EPHX2: variants seen among roughly 807,000 people sequenced by gnomAD.
EPHX2 encodes bifunctional epoxide hydrolase 2.
Under a neutral mutation model 78.7 loss-of-function variants are expected in EPHX2, and 74 were observed. That is an observed-to-expected ratio of 0.94 (90% CI 0.78 to 1.14). EPHX2 has a LOEUF of 1.14. Ranked by LOEUF, EPHX2 falls within the 50% of genes most tolerant of loss-of-function variation. The pLI is 0.00. For missense variants in EPHX2, 715 were observed against 702.5 expected (o/e 1.02, Z -0.20); for synonymous variants, 251 against 255.2 (o/e 0.98, Z 0.16).
chr8:27,530,057 GTCTC>G (rs992920694), intron 12 of EPHX2, among the ~76,000 whole-genome samples: 1 of 139,348 alleles, frequency 7.2e-6, no homozygotes, highest in South Asian at 2.2e-4. Flanking sequence ...AAAACATTGA[GTCTC>G]TCTCTCTTTT....
rs369213590 is a variant in EPHX2, at chr8:27,506,914, C to T, written c.580C>T (p.Arg194Cys). The T allele has an allele frequency of 1.5e-5, 24 of 1,613,948 alleles. 1 individual carries two copies. Among genetic ancestry groups the T allele is most frequent in the Admixed American group, 3.3e-5 (2 of 59,986 alleles). ...CATCGGGGCTAATCTGAAGCCAGCC[C>T]GTGACTTGGGAATGGTCACCATCCT... Reference protein sequence around the residue: ...DDIGANLKPARDLGMVTILVQ... With the variant: ...DDIGANLKPACDLGMVTILVQ... Residue 194 changes from arginine to cysteine, a missense_variant, in exon 5 of 19, where the codon CGT (arginine) becomes TGT (cysteine). Transcript: ENST00000521400.
intron 5 of EPHX2, among the ~76,000 whole-genome samples, chr8:27,508,832 A>T (rs1814120465): frequency 1.3e-5 from 2 of 151,928 alleles, no homozygotes; most frequent in African/African-American, 4.8e-5. Context: ...TCGTGCAGTC[A>T]TCACCACCAC....
intron 5 of EPHX2, 117 bp downstream of exon 5, chr8:27,507,111 A>T: frequency 1.5e-6 from 2 of 1,353,708 alleles, no homozygotes; most frequent in Non-Finnish European, 2.0e-6. Flanking sequence ...ACTCCTGGGC[A>T]CCGCTGGTTG....
In EPHX2 at chr8:27,520,847, G is replaced by C. The variant is rs538639274; in HGVS notation, c.946-36G>C. ...ATAAAGGCTGAGGCAGGCGGGTGTG[G>C]TTGCTGATTTTGCCTGTGTGTGTCT... On this transcript the variant is annotated intron_variant, in intron 9 of 18. Coordinates refer to ENST00000521400, the MANE Select transcript of EPHX2 (RefSeq NM_001979.6). 4 of 1,614,136 alleles carry C rather than the reference G, an allele frequency of 2.5e-6. No individual in the cohort carries two copies. In the East Asian group the frequency reaches 6.7e-5, roughly 27 times the overall value.
chr8:27,496,746 C>T (rs1813587794), intron 1 of EPHX2, among the ~76,000 whole-genome samples: 1 of 152,080 alleles, frequency 6.6e-6, no homozygotes, highest in African/African-American at 2.4e-5. Context: ...AGGGATATTG[C>T]CTTTGATAAG....
At chr8:27,525,105 T>C (rs112900330) in intron 11 of EPHX2, among the ~76,000 whole-genome samples, 18,206 of 126,008 alleles carry the variant, frequency 0.14, 1,272 homozygotes, top group African/African-American at 0.22. Context: ...TGTGTGTGTG[T>C]GTGCGCGCGC....
chr8:27,521,774 G>A (rs975591340), intron 10 of EPHX2, among the ~76,000 whole-genome samples: 9 of 152,228 alleles, frequency 5.9e-5, no homozygotes, highest in Admixed American at 5.2e-4. Context: ...TGTTGAGAGA[G>A]TGACTCTGCG....
Position 27,491,203 on chromosome 8 carries a change from G to A in EPHX2, c.-6G>A, listed in dbSNP as rs973499372. ...TGTCCGGGTGCTAGGCTGCAGACCCGCCGCCATGACGCTGCGCGCGGCCGT... is the reference window on the plus strand; with the variant it reads ...TGTCCGGGTGCTAGGCTGCAGACCCACCGCCATGACGCTGCGCGCGGCCGT... On this transcript the variant is annotated 5_prime_UTR_variant, in exon 1 of 19. Coordinates refer to ENST00000521400, the MANE Select transcript of EPHX2 (RefSeq NM_001979.6). 3.2e-6 allele frequency: 5 copies of A among 1,576,054 alleles called. No individual in the cohort carries two copies. The highest frequency in any genetic ancestry group is 2.3e-5 in the East Asian group (1 of 42,872).
At chr8:27,518,737 T>C (rs1345234759) in intron 9 of EPHX2, among the ~76,000 whole-genome samples, 1 of 152,242 alleles carries the variant, frequency 6.6e-6, no homozygotes. Flanking sequence ...CTCCCCCTCA[T>C]GTGTGCCCCA....
At chr8:27,521,420 G>T (rs1439061475) in intron 10 of EPHX2, among the ~76,000 whole-genome samples, 1 of 152,176 alleles carries the variant, frequency 6.6e-6, no homozygotes, top group Non-Finnish European at 1.5e-5. Flanking sequence ...CCCAAGTGAG[G>T]TCAGAGGGGC....
intron 3 of EPHX2, among the ~76,000 whole-genome samples, chr8:27,504,691 C>T (rs948425747): frequency 6.6e-6 from 1 of 152,164 alleles, no homozygotes; most frequent in African/African-American, 2.4e-5. Flanking sequence ...TGCTGCTCCA[C>T]TGTTGTCAAG....
chr8:27,523,639 G>T (rs1317280203), intron 11 of EPHX2, among the ~76,000 whole-genome samples: 1 of 152,162 alleles, frequency 6.6e-6, no homozygotes, highest in Non-Finnish European at 1.5e-5. Flanking sequence ...AGAATAAAAA[G>T]AATCAAATGT....
chr8:27,515,937 G>A, intron 7 of EPHX2, 124 bp downstream of exon 7: 7 of 865,774 alleles, frequency 8.1e-6, no homozygotes, highest in Non-Finnish European at 7.4e-6. Flanking sequence ...TCCAAAGTGT[G>A]ACCAGGTTGG....
chr8:27,503,513 T>G, intron 2 of EPHX2, 91 bp from the exon 3 acceptor site: 1 of 1,396,276 alleles, frequency 7.2e-7, no homozygotes, highest in Non-Finnish European at 9.7e-7. Context: ...AATTGCTTGG[T>G]CACAGGGAAT....
intron 1 of EPHX2, 114 bp downstream of exon 1, chr8:27,491,423 C>A: frequency 2.7e-6 from 2 of 753,556 alleles, no homozygotes; most frequent in Non-Finnish European, 4.0e-6. Flanking sequence ...GCGAATCATG[C>A]GAATCATGAA....
intron 8 of EPHX2, among the ~76,000 whole-genome samples, chr8:27,516,917 C>CTTTTTTTTTTTTTT (rs145423911): frequency 2.8e-5 from 4 of 144,196 alleles, no homozygotes; most frequent in African/African-American, 5.4e-5. Flanking sequence ...AATTTCCTTC[C>CTTTTTTTTTTTTTT]TATTTTTTTT....
In EPHX2 at chr8:27,523,936, T is replaced by G. The variant is rs1327325299; in HGVS notation, c.1059-1426T>G. 6.3e-5 allele frequency among the ~76,000 whole-genome samples: 5 copies of G among 79,698 alleles called. No individual in the cohort carries two copies. In the East Asian group the frequency reaches 1.4e-3, roughly 22 times the overall value. The allele number at this position is 79,698 out of a possible 152,430, so 52.3% of individuals were successfully genotyped here. On this transcript the variant is annotated intron_variant, in intron 11 of 18. Coordinates refer to ENST00000521400, the MANE Select transcript of EPHX2 (RefSeq NM_001979.6). Reference sequence around the variant, plus strand: ...AAATTCACCCCCTTTTCTATTCCTGTTTTTTTTTTTTTTTGAGACAGAGTC... The same window carrying G: ...AAATTCACCCCCTTTTCTATTCCTGGTTTTTTTTTTTTTTGAGACAGAGTC...
chr8:27,547,468 G>T (rs897391727), downstream of EPHX2, among the ~76,000 whole-genome samples: 26 of 152,150 alleles, frequency 1.7e-4, no homozygotes, highest in Non-Finnish European at 3.8e-4. Context: ...ATATTCATGG[G>T]GTACATAGTG....
intron 8 of EPHX2, among the ~76,000 whole-genome samples, chr8:27,517,020 A>G (rs1197518195): frequency 6.6e-6 from 1 of 150,822 alleles, no homozygotes; most frequent in Non-Finnish European, 1.5e-5. Context: ...CCTGGGTTCA[A>G]GTGATTCTCC....
Sources: gnomAD v4.1 joint callset for allele counts (sites outside exome capture counted in the v4.1 genomes callset) on GRCh38, gnomAD v4.1.1 for gene constraint, MANE v1.5 for transcripts, NCBI Gene and HGNC (gene_info 2026-07-23, HGNC 2026-07-21) for gene names.